The following PAM variants were observed in gnomAD, a reference collection of about 807,000 sequenced individuals.
PAM encodes peptidylglycine alpha-amidating monooxygenase, also known as peptidyl-glycine alpha-amidating monooxygenase.
PAM carries 72 observed loss-of-function variants against 122.1 expected under a neutral mutation model. That is an observed-to-expected ratio of 0.59 (90% CI 0.49 to 0.72). The LOEUF (loss-of-function observed/expected upper bound fraction) is 0.72, where lower values mean the gene tolerates loss of function less well. Ranked by LOEUF, PAM falls within the 30% of genes least tolerant of loss-of-function variation. PAM has a pLI of 0.00. For missense variants in PAM, 1,106 were observed against 1,183.7 expected (o/e 0.93, Z 0.96); for synonymous variants, 389 against 404.4 (o/e 0.96, Z 0.46).
intron 25 of PAM, 107 bp from the exon 26 acceptor site, chr5:103,028,780 C>T: frequency 1.5e-6 from 1 of 670,580 alleles, no homozygotes; most frequent in Non-Finnish European, 2.6e-6. Context: ...ATAAAATAAT[C>T]TCCCCTTTCC....
At chr5:102,939,452 C>T (rs1754363063) in intron 7 of PAM, among the ~76,000 whole-genome samples, 1 of 152,102 alleles carries the variant, frequency 6.6e-6, no homozygotes, top group Admixed American at 6.6e-5. Context: ...AAAGTAAAAT[C>T]TGGTCAGTAG....
intron 1 of PAM, among the ~76,000 whole-genome samples, chr5:102,857,168 C>T (rs1342167049): frequency 6.6e-6 from 1 of 152,162 alleles, no homozygotes; most frequent in Non-Finnish European, 1.5e-5. Flanking sequence ...AACAACTGCA[C>T]TTGAGAGCTG....
chr5:102,909,368 C>G (rs1800690298), intron 4 of PAM, among the ~76,000 whole-genome samples: 1 of 151,746 alleles, frequency 6.6e-6, no homozygotes, highest in South Asian at 2.1e-4. Context: ...TAATTTTTAT[C>G]TTTAGAAATT....
At chr5:102,920,882 C>T (rs1298068867) in intron 5 of PAM, among the ~76,000 whole-genome samples, 1 of 151,606 alleles carries the variant, frequency 6.6e-6, no homozygotes, top group East Asian at 1.9e-4. Context: ...TAGCCTTTAA[C>T]AGATACAACC....
At chr5:102,757,805 C>G (rs1750906530) in intron 1 of PAM, among the ~76,000 whole-genome samples, 1 of 151,936 alleles carries the variant, frequency 6.6e-6, no homozygotes, top group African/African-American at 2.4e-5. Flanking sequence ...CTTTGAGAGG[C>G]TGAGGCGGGA....
chr5:102,973,801 G>C (rs1766665029), intron 14 of PAM, among the ~76,000 whole-genome samples: 2 of 143,368 alleles, frequency 1.4e-5, no homozygotes. Flanking sequence ...GAAATCTGAT[G>C]AGCTCTTAAT....
At chr5:102,861,610 C>G (rs1180740925) in intron 1 of PAM, among the ~76,000 whole-genome samples, 1 of 152,118 alleles carries the variant, frequency 6.6e-6, no homozygotes, top group Non-Finnish European at 1.5e-5. Context: ...ATTATTGGGA[C>G]AGTGGGCAAA....
intron 1 of PAM, among the ~76,000 whole-genome samples, chr5:102,808,728 T>G (rs765385008): frequency 6.6e-6 from 1 of 152,224 alleles, no homozygotes; most frequent in Non-Finnish European, 1.5e-5. Flanking sequence ...AATTAAAATA[T>G]GTAGGACAAA....
chr5:102,989,603 C>G (rs984623298), intron 15 of PAM, among the ~76,000 whole-genome samples: 2 of 152,086 alleles, frequency 1.3e-5, no homozygotes, highest in Non-Finnish European at 2.9e-5. Context: ...GAGTTTCTGT[C>G]ATTTTTTTCT....
chr5:102,959,149 T>C (rs1293999976), intron 12 of PAM, among the ~76,000 whole-genome samples: 1 of 152,180 alleles, frequency 6.6e-6, no homozygotes, highest in Non-Finnish European at 1.5e-5. Flanking sequence ...TTAAAATCTA[T>C]TTTTAACATT....
intron 1 of PAM, among the ~76,000 whole-genome samples, chr5:102,847,241 C>G (rs1780164972): frequency 6.6e-6 from 1 of 152,178 alleles, no homozygotes; most frequent in Admixed American, 6.5e-5. Context: ...GAGTTCAAGA[C>G]CAGCCTGGCC....
At position 102,956,991 on chromosome 5, in the gene PAM, G is replaced by A. The variant is rs112709998; in HGVS notation, c.906-2884G>A. Among the ~76,000 whole-genome samples, 235 of 152,076 alleles carry A rather than the reference G, an allele frequency of 1.5e-3. 2 individuals are homozygous for A. Among genetic ancestry groups the A allele is most frequent in the African/African-American group, 5.2e-3 (215 of 41,524 alleles). ...GTTATTTTGAAGCTTTGCAGTATTA[G>A]TTGCTTCTTAAATCTCTAATGGATT... is the stretch of plus-strand genomic sequence containing the variant. On this transcript the variant is annotated intron_variant, in intron 12 of 25. Coordinates refer to ENST00000438793, the MANE Select transcript of PAM (RefSeq NM_001177306.2).
At chr5:102,790,500 G>A (rs961985550) in intron 1 of PAM, among the ~76,000 whole-genome samples, 24 of 151,968 alleles carry the variant, frequency 1.6e-4, no homozygotes, top group Non-Finnish European at 2.9e-5. Context: ...AGGATGATTT[G>A]ACTATTATCC....
intron 4 of PAM, among the ~76,000 whole-genome samples, chr5:102,904,453 G>A (rs914402315): frequency 4.6e-5 from 7 of 151,454 alleles, no homozygotes; most frequent in East Asian, 3.9e-4. Context: ...GATTTTGGCC[G>A]TTTTCTGACT....
intron 4 of PAM, among the ~76,000 whole-genome samples, chr5:102,904,299 G>C (rs1229947679): frequency 3.3e-5 from 5 of 151,438 alleles, no homozygotes; most frequent in Non-Finnish European, 7.4e-5. Flanking sequence ...TAGTCATTCT[G>C]TTTGTTTATT....
chr5:102,926,512 A>G (rs1487182738), intron 6 of PAM, 73 bp from the exon 7 acceptor site: 1 of 824,654 alleles, frequency 1.2e-6, no homozygotes, highest in Non-Finnish European at 2.1e-6. Flanking sequence ...TGGAGTTCAT[A>G]GAACAGCAAT....
At chr5:102,970,955 C>A (rs1391226416) in intron 14 of PAM, among the ~76,000 whole-genome samples, 1 of 151,958 alleles carries the variant, frequency 6.6e-6, no homozygotes, top group East Asian at 1.9e-4. Flanking sequence ...TACAGGTGCC[C>A]ACCACCACAC....
intron 24 of PAM, among the ~76,000 whole-genome samples, chr5:103,025,706 A>C (rs1413441803): frequency 6.6e-6 from 1 of 152,194 alleles, no homozygotes; most frequent in East Asian, 1.9e-4. Flanking sequence ...CAGTCCTCAA[A>C]GTACCTGGGT....
At chr5:102,759,853 A>C (rs928989427) in intron 1 of PAM, among the ~76,000 whole-genome samples, 1 of 152,222 alleles carries the variant, frequency 6.6e-6, no homozygotes, top group Non-Finnish European at 1.5e-5. Flanking sequence ...TACAAGATGC[A>C]GTCTAGCTAC....
Sources: allele counts gnomAD v4.1 joint callset (sites outside exome capture counted in the v4.1 genomes callset), GRCh38; gene constraint gnomAD v4.1.1; transcripts MANE v1.5; gene names NCBI Gene and HGNC (gene_info 2026-07-23, HGNC 2026-07-21).